The following SDK1 variants were observed in gnomAD, a reference collection of about 807,000 sequenced individuals.
The protein encoded by SDK1 is sidekick cell adhesion molecule 1, also known as protein sidekick-1.
A neutral mutation model predicts 245.5 loss-of-function variants in SDK1; 157 were observed. The observed-to-expected ratio is 0.64, with a 90% CI of 0.56 to 0.73. SDK1 has a LOEUF of 0.73. Among genes scored for constraint, SDK1 ranks in the 30% least tolerant of loss-of-function variants. The pLI, the probability that SDK1 is intolerant of heterozygous loss-of-function variation, is 0.00. For missense variants in SDK1, 3,583 were observed against 3,002.3 expected (o/e 1.19, Z -4.52); for synonymous variants, 1,647 against 1,278.5 (o/e 1.29, Z -6.15).
intron 1 of SDK1, among the ~76,000 whole-genome samples, chr7:3,496,986 C>T (rs555725610): frequency 3.0e-4 from 45 of 152,222 alleles, no homozygotes; most frequent in Non-Finnish European, 4.6e-4. Flanking sequence ...TCCACATTCT[C>T]GGCACAGAAT....
intron 13 of SDK1, among the ~76,000 whole-genome samples, chr7:3,983,991 T>G (rs1449033552): frequency 6.6e-6 from 1 of 152,196 alleles, no homozygotes; most frequent in Non-Finnish European, 1.5e-5. Context: ...GCCTCAAGAC[T>G]AGTTTGCTTT....
intron 32 of SDK1, among the ~76,000 whole-genome samples, chr7:4,164,376 A>G (rs657323): frequency 0.29 from 44,076 of 151,936 alleles, 8,523 homozygotes; most frequent in African/African-American, 0.55. Context: ...GTCTCACACA[A>G]CATCTCCAGT....
intron 32 of SDK1, among the ~76,000 whole-genome samples, chr7:4,163,769 C>G (rs1781319999): frequency 6.6e-6 from 1 of 152,068 alleles, no homozygotes; most frequent in African/African-American, 2.4e-5. Flanking sequence ...CAGAGCCAGG[C>G]TGGGCTGTGG....
At chr7:3,491,376 A>G (rs975869097) in intron 1 of SDK1, among the ~76,000 whole-genome samples, 1 of 152,244 alleles carries the variant, frequency 6.6e-6, no homozygotes, top group South Asian at 2.1e-4. Context: ...GTATTTTGCA[A>G]AGTTCCCAAA....
chr7:3,306,500 G>T (rs1658520327), intron 1 of SDK1, among the ~76,000 whole-genome samples: 1 of 152,154 alleles, frequency 6.6e-6, no homozygotes, highest in Middle Eastern at 3.2e-3. Context: ...ACTAAAGGAG[G>T]TGGAGTTTGT....
At chr7:3,306,889 G>A (rs1779430173) in intron 1 of SDK1, among the ~76,000 whole-genome samples, 1 of 152,122 alleles carries the variant, frequency 6.6e-6, no homozygotes, top group Non-Finnish European at 1.5e-5. Flanking sequence ...GAATGGAATG[G>A]ACACAAAGTG....
At chr7:3,464,698 G>GTATATATATATATATATATA (rs141577885) in intron 1 of SDK1, among the ~76,000 whole-genome samples, 1 of 148,042 alleles carries the variant, frequency 6.8e-6, no homozygotes, top group African/African-American at 2.5e-5. Context: ...GTGTATGTAT[G>GTATATATATATATATATATA]TATATATATA....
chr7:4,213,292 A>G (rs1710278175), intron 38 of SDK1, among the ~76,000 whole-genome samples: 2 of 152,160 alleles, frequency 1.3e-5, no homozygotes, highest in African/African-American at 4.8e-5. Context: ...ACGCACCTGT[A>G]ATCCCAGCTA....
intron 4 of SDK1, among the ~76,000 whole-genome samples, chr7:3,659,474 C>A (rs373947233): frequency 6.6e-6 from 1 of 152,116 alleles, no homozygotes; most frequent in African/African-American, 2.4e-5. Context: ...TGGACATCTG[C>A]GTTTAGTGTT....
intron 13 of SDK1, among the ~76,000 whole-genome samples, chr7:3,975,990 CGGGGCTG>C (rs1782926139): frequency 1.3e-4 from 6 of 46,228 alleles, no homozygotes; most frequent in African/African-American, 3.6e-4. Flanking sequence ...CTGAGGGTCC[CGGGGCTG>C]AGGCTGCCAC....
intron 1 of SDK1, among the ~76,000 whole-genome samples, chr7:3,439,260 T>G (rs1780124127): frequency 6.6e-6 from 1 of 152,192 alleles, no homozygotes; most frequent in Non-Finnish European, 1.5e-5. Flanking sequence ...AACTCTTTTA[T>G]TTCCCCTGAG....
intron 31 of SDK1, among the ~76,000 whole-genome samples, chr7:4,160,640 T>C (rs2128212111): frequency 6.6e-6 from 1 of 152,346 alleles, no homozygotes. Flanking sequence ...GAACAGTTTC[T>C]TTTTATAGTG....
rs1358816896 is a variant in SDK1, at chr7:3,800,167, C to T, written c.714-21283C>T. On this transcript the variant is annotated intron_variant, in intron 4 of 44. Coordinates refer to ENST00000404826, the MANE Select transcript of SDK1 (RefSeq NM_152744.4). ...GCATACTGTATTAGGAAGCTTCCAG[C>T]CTGTGTGTCTAATATTATGGGGGAA... Among the ~76,000 whole-genome samples the T allele has an allele frequency of 2.0e-5, 3 of 152,052 alleles. No homozygotes were observed. The South Asian group carries it at 6.2e-4, about 32-fold the overall frequency.
At chr7:4,124,424 C>T (rs960710936) in intron 25 of SDK1, among the ~76,000 whole-genome samples, 2 of 152,122 alleles carry the variant, frequency 1.3e-5, no homozygotes, top group Admixed American at 1.3e-4. Context: ...ACAGAGTTCT[C>T]CCTGTGTGTG....
intron 4 of SDK1, among the ~76,000 whole-genome samples, chr7:3,814,462 G>C (rs13226477): frequency 6.6e-6 from 1 of 150,892 alleles, no homozygotes. Flanking sequence ...GTTCTGTTCC[G>C]TTGATCTGTA....
intron 4 of SDK1, among the ~76,000 whole-genome samples, chr7:3,797,101 G>A (rs1232466737): frequency 6.6e-6 from 1 of 151,508 alleles, no homozygotes; most frequent in Non-Finnish European, 1.5e-5. Flanking sequence ...TGACCTCCTG[G>A]CCTCAAGTGA....
At chr7:3,372,041 A>G (rs1482450198) in intron 1 of SDK1, among the ~76,000 whole-genome samples, 1 of 152,248 alleles carries the variant, frequency 6.6e-6, no homozygotes, top group Non-Finnish European at 1.5e-5. Flanking sequence ...GTCATCAGCT[A>G]CGTTGTTAAC....
intron 1 of SDK1, among the ~76,000 whole-genome samples, chr7:3,400,214 A>G (rs1439525924): frequency 6.6e-6 from 1 of 152,170 alleles, no homozygotes; most frequent in Non-Finnish European, 1.5e-5. Context: ...GGGATGGAGT[A>G]GACCAAGTTA....
intron 5 of SDK1, among the ~76,000 whole-genome samples, chr7:3,943,935 C>G (rs1462967550): frequency 3.3e-5 from 5 of 152,144 alleles, no homozygotes; most frequent in African/African-American, 1.2e-4. Flanking sequence ...TCTGAAGCTA[C>G]CTGGCGCCCG....
Sources: allele counts gnomAD v4.1 joint callset (sites outside exome capture counted in the v4.1 genomes callset), GRCh38; gene constraint gnomAD v4.1.1; transcripts MANE v1.5; gene names NCBI Gene and HGNC (gene_info 2026-07-23, HGNC 2026-07-21).